The following MLIP variants were observed in gnomAD, a reference collection of about 807,000 sequenced individuals.
The protein encoded by MLIP is muscular LMNA-interacting protein.
A neutral mutation model predicts 84.8 loss-of-function variants in MLIP; 79 were observed. The observed-to-expected ratio is 0.93, with a 90% CI of 0.78 to 1.12. MLIP has a LOEUF of 1.12. Ranked by LOEUF, MLIP falls within the 50% of genes most tolerant of loss-of-function variation. The pLI is 0.00. For missense variants in MLIP, 1,257 were observed against 1,160.6 expected (o/e 1.08, Z -1.21); for synonymous variants, 504 against 463.0 (o/e 1.09, Z -1.14).
chr6:54,142,918 C>CAA (rs199515086), intron 4 of MLIP, among the ~76,000 whole-genome samples: 53 of 148,996 alleles, frequency 3.6e-4, no homozygotes, highest in East Asian at 2.0e-3. Flanking sequence ...ACAACAACAA[C>CAA]AAAAAAAAAA....
upstream of MLIP, among the ~76,000 whole-genome samples, chr6:54,108,005 A>C (rs1446185287): frequency 6.6e-6 from 1 of 151,684 alleles, no homozygotes; most frequent in Non-Finnish European, 1.5e-5. Context: ...GAAGAGGATT[A>C]TTTGTTCTGT....
At chr6:54,071,283 C>T (rs1021395980) in intron 1 of MLIP, among the ~76,000 whole-genome samples, 4 of 151,904 alleles carry the variant, frequency 2.6e-5, no homozygotes, top group Admixed American at 2.6e-4. Context: ...ACATGACAAA[C>T]TTTAATATGC....
intron 11 of MLIP, among the ~76,000 whole-genome samples, chr6:54,228,213 A>AAAAAG (rs1562082666): frequency 8.6e-5 from 10 of 116,648 alleles, no homozygotes; most frequent in Admixed American, 2.9e-4. Flanking sequence ...AAAAAAAAAA[A>AAAAAG]AGAGAAAGAA....
chr6:54,256,049 A>G (rs1379341925), intron 12 of MLIP, among the ~76,000 whole-genome samples: 1 of 152,190 alleles, frequency 6.6e-6, no homozygotes, highest in South Asian at 2.1e-4. Flanking sequence ...CTGGAATTCT[A>G]TTTAGATTTC....
chr6:54,261,734 A>G, intron 13 of MLIP: 1 of 985,208 alleles, frequency 1.0e-6, no homozygotes, highest in Non-Finnish European at 1.2e-6. Context: ...AAAATAAATT[A>G]CTTGCCCGTG....
intron 1 of MLIP, among the ~76,000 whole-genome samples, chr6:54,115,150 T>C (rs1227345792): frequency 1.3e-5 from 2 of 151,612 alleles, no homozygotes; most frequent in African/African-American, 4.9e-5. Flanking sequence ...AGGCTCAGAG[T>C]GGTAAATATG....
At chr6:54,160,889 G>A in intron 8 of MLIP, 90 bp downstream of exon 8, 2 of 1,065,288 alleles carry the variant, frequency 1.9e-6, no homozygotes, top group African/African-American at 1.6e-5. Flanking sequence ...ATAGTGAATT[G>A]AGAAATAAAT....
intron 10 of MLIP, among the ~76,000 whole-genome samples, 197 bp downstream of exon 10, chr6:54,190,111 A>G (rs1263222489): frequency 6.6e-6 from 1 of 152,226 alleles, no homozygotes; most frequent in Non-Finnish European, 1.5e-5. Context: ...AAAACTATAC[A>G]TAGACCTTAC....
chr6:54,050,325 A>G (rs959052466), intron 1 of MLIP, among the ~76,000 whole-genome samples: 3 of 152,166 alleles, frequency 2.0e-5, no homozygotes, highest in African/African-American at 4.8e-5. Context: ...GCCAATAACC[A>G]TGACTAATGC....
chr6:54,120,321 G>C (rs557172067), intron 1 of MLIP, among the ~76,000 whole-genome samples: 1 of 151,712 alleles, frequency 6.6e-6, no homozygotes, highest in African/African-American at 2.4e-5. Context: ...TGCAAGCTCC[G>C]CCTCCTGGGT....
At chr6:54,182,624 A>G (rs1476700225) in intron 9 of MLIP, among the ~76,000 whole-genome samples, 1 of 152,166 alleles carries the variant, frequency 6.6e-6, no homozygotes, top group African/African-American at 2.4e-5. Context: ...ATTATCTATT[A>G]ACATTCTATT....
intron 9 of MLIP, among the ~76,000 whole-genome samples, chr6:54,180,085 C>CTTT: frequency 6.6e-6 from 1 of 151,924 alleles, no homozygotes; most frequent in East Asian, 1.9e-4. Flanking sequence ...CTTGGGTAAA[C>CTTT]TTTTTTGTTG....
exon 1 of MLIP, chr6:54,019,009 CTT>C (rs1763351651): frequency 1.9e-6 from 3 of 1,595,036 alleles, no homozygotes; most frequent in African/African-American, 2.7e-5. Context: ...GTCTTTCTCT[CTT>C]TCTCATTCTC....
At chr6:54,192,267 G>C (rs1472499711) in intron 10 of MLIP, among the ~76,000 whole-genome samples, 1 of 151,776 alleles carries the variant, frequency 6.6e-6, no homozygotes, top group Non-Finnish European at 1.5e-5. Context: ...AGGTAGGTTT[G>C]TGAAGGGATT....
chr6:54,205,789 C>G (rs1003166339), intron 11 of MLIP, among the ~76,000 whole-genome samples: 1 of 152,050 alleles, frequency 6.6e-6, no homozygotes, highest in Non-Finnish European at 1.5e-5. Flanking sequence ...AAAAACGAAA[C>G]CTTCAAAATG....
At chr6:54,238,587 C>T (rs1781516146) in intron 12 of MLIP, among the ~76,000 whole-genome samples, 1 of 152,172 alleles carries the variant, frequency 6.6e-6, no homozygotes, top group East Asian at 1.9e-4. Flanking sequence ...AAACACATGG[C>T]CAGTCTGTGA....
upstream of MLIP, among the ~76,000 whole-genome samples, chr6:54,106,852 T>G (rs1350295638): frequency 6.6e-6 from 1 of 152,182 alleles, no homozygotes; most frequent in African/African-American, 2.4e-5. Flanking sequence ...AAATTGGAAT[T>G]CATTGGCTTA....
At chr6:54,235,582 G>A (rs995204839) in intron 12 of MLIP, among the ~76,000 whole-genome samples, 4 of 152,154 alleles carry the variant, frequency 2.6e-5, no homozygotes, top group Non-Finnish European at 5.9e-5. Context: ...AGGCAAGGTA[G>A]TAAAGATCTA....
At chr6:54,241,959 G>A (rs1210542585) in intron 12 of MLIP, among the ~76,000 whole-genome samples, 6 of 152,194 alleles carry the variant, frequency 3.9e-5, no homozygotes, top group Non-Finnish European at 7.3e-5. Flanking sequence ...TAGTGAGGGA[G>A]CCTACCTAGC....
Sources: allele counts gnomAD v4.1 joint callset (sites outside exome capture counted in the v4.1 genomes callset), GRCh38; gene constraint gnomAD v4.1.1; transcripts MANE v1.5; gene names NCBI Gene and HGNC (gene_info 2026-07-23, HGNC 2026-07-21).